The following MTMR7 variants were observed in gnomAD, a reference collection of about 807,000 sequenced individuals.
MTMR7 encodes myotubularin related protein 7, also known as phosphatidylinositol-3-phosphate phosphatase MTMR7.
In MTMR7, 76 loss-of-function variants were observed where a neutral mutation model predicts 81.2. The ratio of observed to expected loss-of-function variants is 0.94; its 90% CI spans 0.78 to 1.13. The LOEUF (loss-of-function observed/expected upper bound fraction) is 1.13, where lower values mean the gene tolerates loss of function less well. MTMR7 is among the 50% of genes most tolerant of loss of function. The probability of loss-of-function intolerance (pLI) is 0.00; values close to 1 mark genes in which losing one functional copy is unlikely to be tolerated. For missense variants in MTMR7, 1,044 were observed against 820.0 expected (o/e 1.27, Z -3.34); for synonymous variants, 372 against 289.8 (o/e 1.28, Z -2.88).
At chr8:17,372,992 AAC>A in intron 2 of MTMR7, 124 bp downstream of exon 2, 1 of 1,153,976 alleles carries the variant, frequency 8.7e-7, no homozygotes, top group Non-Finnish European at 1.2e-6. Flanking sequence ...ACATTCCAGA[AAC>A]AGTTCCCCAA....
At chr8:17,383,484 C>G (rs1433228412) in intron 1 of MTMR7, among the ~76,000 whole-genome samples, 2 of 152,240 alleles carry the variant, frequency 1.3e-5, no homozygotes, top group Non-Finnish European at 2.9e-5. Flanking sequence ...AGCCTCGCAT[C>G]TAGAAAGTGG....
intron 5 of MTMR7, among the ~76,000 whole-genome samples, chr8:17,346,766 T>C (rs2150546321): frequency 6.6e-6 from 1 of 151,056 alleles, no homozygotes. Context: ...TCTCCTGGAT[T>C]CATCTTCTCT....
At chr8:17,400,899 A>T (rs1821406904) in intron 1 of MTMR7, among the ~76,000 whole-genome samples, 1 of 152,204 alleles carries the variant, frequency 6.6e-6, no homozygotes, top group African/African-American at 2.4e-5. Flanking sequence ...TTCCTCAAAA[A>T]TCGCCCACAT....
chr8:17,401,093 G>A (rs1821415094), intron 1 of MTMR7, among the ~76,000 whole-genome samples: 1 of 152,024 alleles, frequency 6.6e-6, no homozygotes, highest in Non-Finnish European at 1.5e-5. Flanking sequence ...GATACGGAAT[G>A]TATGCATGTG....
At chr8:17,356,649 G>A (rs1174077079) in intron 4 of MTMR7, among the ~76,000 whole-genome samples, 1 of 152,088 alleles carries the variant, frequency 6.6e-6, no homozygotes, top group African/African-American at 2.4e-5. Flanking sequence ...AGGAGGCAGA[G>A]GTTACAGTGA....
chr8:17,311,857 C>G (rs1189059140), intron 8 of MTMR7: 1 of 594,478 alleles, frequency 1.7e-6, no homozygotes, highest in Non-Finnish European at 2.9e-6. Flanking sequence ...GAAGCCACCA[C>G]TCAAGTCACC....
intron 3 of MTMR7, among the ~76,000 whole-genome samples, chr8:17,364,292 C>G (rs1288324906): frequency 1.3e-5 from 2 of 152,018 alleles, no homozygotes; most frequent in Non-Finnish European, 2.9e-5. Flanking sequence ...CTCGGCTTCC[C>G]AAAGTGCTGG....
chr8:17,297,609 C>G lies in MTMR7; in HGVS notation c.*2253G>C, dbSNP rs1816784748. The G allele has an allele frequency of 6.6e-6, 1 of 151,964 alleles. No homozygotes were observed. The highest frequency in any genetic ancestry group is 6.6e-5 in the Admixed American group (1 of 15,240). The allele number at this position is 151,964 out of a possible 1,614,324, so 9.4% of individuals were successfully genotyped here. A position where few individuals can be genotyped will look rare whatever the true frequency, so the allele number is the denominator to read the frequency against. On this transcript the variant is annotated 3_prime_UTR_variant, in exon 14 of 14. Transcript: ENST00000180173. ...TAAATTACTTGCATTCTATATATTA[C>G]TAATTGGGAAGTAATATGCCTCAAA...
intron 12 of MTMR7, among the ~76,000 whole-genome samples, chr8:17,303,034 C>T (rs919880826): frequency 1.3e-5 from 2 of 151,936 alleles, no homozygotes; most frequent in South Asian, 2.1e-4. Flanking sequence ...TTATCCTACA[C>T]AAAAAAGCAA....
chr8:17,368,575 G>C (rs1820309669), intron 3 of MTMR7, among the ~76,000 whole-genome samples: 3 of 152,118 alleles, frequency 2.0e-5, no homozygotes, highest in Admixed American at 1.3e-4. Context: ...CCCAGTTGAA[G>C]GCAACTGTTT....
Position 17,313,334 on chromosome 8 carries a change from C to T in MTMR7, c.933G>A (p.Arg311=). The change falls in exon 8 of 14, where the codon AGG becomes AGA. Residue 311 remains arginine, a synonymous_variant. Coordinates refer to ENST00000180173, the MANE Select transcript of MTMR7 (RefSeq NM_004686.5). ...CTGCATCCATTATGGCTTTAATGTG[C>T]CTTAACCAGCCAGAGTTCTCCAGAC... is the stretch of plus-strand genomic sequence containing the variant. The part of the protein sequence containing the change: ...LWGLENSGWL[R]HIKAIMDAGI... The T allele has an allele frequency of 1.2e-6, 2 of 1,613,198 alleles. No individual in the cohort carries two copies. The highest frequency in any genetic ancestry group is 1.7e-5 in the Admixed American group (1 of 60,006).
At chr8:17,310,352 C>G (rs1305239980) in intron 9 of MTMR7, among the ~76,000 whole-genome samples, 1 of 152,020 alleles carries the variant, frequency 6.6e-6, no homozygotes, top group Non-Finnish European at 1.5e-5. Context: ...CATCAATATC[C>G]CCAATGCTTT....
chr8:17,298,454 C>G lies in MTMR7; in HGVS notation c.*1408G>C, dbSNP rs1282386337. On this transcript the variant is annotated 3_prime_UTR_variant, in exon 14 of 14. Coordinates refer to ENST00000180173, the MANE Select transcript of MTMR7 (RefSeq NM_004686.5). ...ATGTTTTCATTTATATATATTGCAA[C>G]ACTCCCTCCAAATCTTTCATACTAG... is the stretch of plus-strand genomic sequence containing the variant. 6.6e-6 allele frequency: 1 copy of G among 152,050 alleles called. No homozygotes were observed. Among genetic ancestry groups the G allele is most frequent in the Non-Finnish European group, 1.5e-5 (1 of 67,920 alleles). The allele number at this position is 152,050 out of a possible 1,614,324, so 9.4% of individuals were successfully genotyped here. A position where few individuals can be genotyped will look rare whatever the true frequency, so the allele number is the denominator to read the frequency against.
chr8:17,339,822 G>C (rs1226893554), intron 6 of MTMR7, among the ~76,000 whole-genome samples: 2 of 152,114 alleles, frequency 1.3e-5, no homozygotes, highest in Admixed American at 1.3e-4. Context: ...AAGTCCTTAT[G>C]CTCTTTTACC....
At chr8:17,303,655 G>A (rs1024785599) in intron 12 of MTMR7, among the ~76,000 whole-genome samples, 1 of 150,030 alleles carries the variant, frequency 6.7e-6, no homozygotes, top group Admixed American at 6.7e-5. Flanking sequence ...TGTTGCCCAG[G>A]CTGGAGTGCA....
rs932136623 is a variant in MTMR7 at position 17,365,386 on chromosome 8, T to A, written c.311-4112A>T. ...TTTGTTATGCAGAAGCTTCTTATAT[T>A]TTAGACAAATCTTTAATATTTACAG... On this transcript the variant is annotated intron_variant, in intron 3 of 13. Transcript: ENST00000180173. Among the ~76,000 whole-genome samples, 4 of 152,214 alleles carry A rather than the reference T, an allele frequency of 2.6e-5. No homozygotes were observed. In the East Asian group the frequency reaches 7.7e-4, roughly 29 times the overall value.
Position 17,332,805 on chromosome 8 carries a change from A to G in MTMR7, c.733-1523T>C, listed in dbSNP as rs143686546. Reference sequence around the variant, plus strand: ...AATATTCATACAATCATCCATTTTTATAAAACCAACTTATAGATATGTATT... The same window carrying G: ...AATATTCATACAATCATCCATTTTTGTAAAACCAACTTATAGATATGTATT... On this transcript the variant is annotated intron_variant, in intron 6 of 13. Coordinates refer to ENST00000180173, the MANE Select transcript of MTMR7 (RefSeq NM_004686.5). Among the ~76,000 whole-genome samples, 17 of 152,352 alleles carry G rather than the reference A, an allele frequency of 1.1e-4. No homozygotes were observed. The East Asian group carries it at 2.7e-3, about 24-fold the overall frequency.
rs1369597919 is a variant in MTMR7 at position 17,344,704 on chromosome 8, A to G, written c.598-3207T>C. Among the ~76,000 whole-genome samples, 3 of 152,136 alleles carry G rather than the reference A, an allele frequency of 2.0e-5. No homozygotes were observed. In the East Asian group the frequency reaches 5.8e-4, roughly 29 times the overall value. ...TTGGGTAATTTATGTATCTTCTCTG[A>G]TCCTCAGTTTTCTCATCTATAAAAT... is the stretch of plus-strand genomic sequence containing the variant. On this transcript the variant is annotated intron_variant, in intron 5 of 13. Transcript: ENST00000180173.
intron 1 of MTMR7, among the ~76,000 whole-genome samples, chr8:17,377,767 A>G (rs1370759806): frequency 6.6e-6 from 1 of 152,002 alleles, no homozygotes; most frequent in African/African-American, 2.4e-5. Context: ...TGCACTTTTT[A>G]TTTCTTCTTT....
Sources: allele counts gnomAD v4.1 joint callset (sites outside exome capture counted in the v4.1 genomes callset), GRCh38; gene constraint gnomAD v4.1.1; transcripts MANE v1.5; gene names NCBI Gene and HGNC (gene_info 2026-07-23, HGNC 2026-07-21).